The following SNRNP40 variants were observed in gnomAD, a reference collection of about 807,000 sequenced individuals.
SNRNP40 encodes small nuclear ribonucleoprotein U5 subunit 40, also known as U5 small nuclear ribonucleoprotein 40 kDa protein.
Under a neutral mutation model 45.8 loss-of-function variants are expected in SNRNP40, and 21 were observed. That is an observed-to-expected ratio of 0.46 (90% CI 0.32 to 0.66). The LOEUF (loss-of-function observed/expected upper bound fraction) is 0.66, where lower values mean the gene tolerates loss of function less well. SNRNP40 is among the 30% of genes least tolerant of loss of function. The pLI, the probability that SNRNP40 is intolerant of heterozygous loss-of-function variation, is 0.03. For missense variants in SNRNP40, 344 were observed against 439.1 expected, an observed-to-expected ratio of 0.78 and a Z score of 1.94; for synonymous variants, 142 against 163.8, an observed-to-expected ratio of 0.87 and a Z score of 1.01.
At chr1:31,270,779 G>C (rs1645932616) in intron 6 of SNRNP40, among the ~76,000 whole-genome samples, 1 of 152,118 alleles carries the variant, frequency 6.6e-6, no homozygotes. Flanking sequence ...TTGTATACCA[G>C]GGCCATTTCC....
chr1:31,295,325 G>A (rs2148393438), intron 1 of SNRNP40, among the ~76,000 whole-genome samples: 1 of 147,552 alleles, frequency 6.8e-6, no homozygotes, highest in South Asian at 2.1e-4. Context: ...GGTCAACACA[G>A]AGAGATTGTC....
intron 8 of SNRNP40, chr1:31,263,284 C>G (rs1645873568): frequency 1.3e-5 from 2 of 152,006 alleles, no homozygotes; most frequent in Non-Finnish European, 2.9e-5. Flanking sequence ...CATCACAGGC[C>G]ATAATTTTCA....
At position 31,259,978 on chromosome 1, in the gene SNRNP40, G is replaced by A; in HGVS notation, c.*94C>T. On this transcript the variant is annotated 3_prime_UTR_variant, in exon 10 of 10. Coordinates refer to ENST00000263694, the MANE Select transcript of SNRNP40 (RefSeq NM_004814.3). ...TCTTGCTAGCAATGGTCATCTGAAG[G>A]GAGGGTGCTAGCCTGGACATCCAAC... 1.1e-6 allele frequency: 1 copy of A among 905,282 alleles called. No homozygotes were observed. The highest frequency in any genetic ancestry group is 1.9e-6 in the Non-Finnish European group (1 of 537,066). 56.1% of individuals were successfully genotyped at this position (905,282 alleles called of 1,614,324 possible). A position where few individuals can be genotyped will look rare whatever the true frequency, so the allele number is the denominator to read the frequency against.
At chr1:31,274,784 C>G (rs1382448282) in intron 5 of SNRNP40, among the ~76,000 whole-genome samples, 2 of 152,138 alleles carry the variant, frequency 1.3e-5, no homozygotes, top group Non-Finnish European at 2.9e-5. Flanking sequence ...CTCTGACTCC[C>G]CAATCCTATT....
intron 8 of SNRNP40, among the ~76,000 whole-genome samples, chr1:31,262,515 C>CT (rs1441288955): frequency 1.2e-5 from 1 of 80,062 alleles, no homozygotes; most frequent in Non-Finnish European, 2.3e-5. Context: ...AGTGAGACTC[C>CT]ATCTCCAAAA....
At chr1:31,288,880 C>T (rs1261716776) in intron 4 of SNRNP40, among the ~76,000 whole-genome samples, 2 of 152,066 alleles carry the variant, frequency 1.3e-5, no homozygotes, top group South Asian at 2.1e-4. Flanking sequence ...TACAGGTGCC[C>T]GCCATCACGC....
intron 4 of SNRNP40, chr1:31,282,470 T>C (rs142081666): frequency 2.1e-5 from 1 of 46,678 alleles, no homozygotes; most frequent in Non-Finnish European, 4.2e-5. Flanking sequence ...TTCCTGGCTA[T>C]CTATCTATCT....
intron 3 of SNRNP40, among the ~76,000 whole-genome samples, chr1:31,290,327 GC>G (rs1273550345): frequency 6.6e-6 from 1 of 152,042 alleles, no homozygotes; most frequent in African/African-American, 2.4e-5. Flanking sequence ...ATGCCACCAG[GC>G]CCAGCTTTCT....
At chr1:31,269,594 ACTAAATACCAG>A in intron 6 of SNRNP40, 1 of 410,468 alleles carries the variant, frequency 2.4e-6, no homozygotes, top group East Asian at 3.7e-5. Flanking sequence ...AATGTGACAA[ACTAAATACCAG>A]GAACTACTGT....
chr1:31,282,687 C>A (rs956961856), intron 4 of SNRNP40, among the ~76,000 whole-genome samples: 6 of 151,666 alleles, frequency 4.0e-5, no homozygotes, highest in African/African-American at 1.5e-4. Flanking sequence ...ATCTATCTAT[C>A]TATCTAGGGA....
chr1:31,274,498 C>T (rs1176410822), intron 5 of SNRNP40, among the ~76,000 whole-genome samples: 5 of 152,070 alleles, frequency 3.3e-5, no homozygotes, highest in Admixed American at 1.3e-4. Context: ...ACCTCAGCCT[C>T]CCGAAGTGCT....
rs188673437 is a variant in SNRNP40 at position 31,270,721 on chromosome 1, T to C, written c.775+658A>G. Among the ~76,000 whole-genome samples, 182 of 152,330 alleles carry C rather than the reference T, an allele frequency of 1.2e-3. 1 individual carries two copies. Among genetic ancestry groups the C allele is most frequent in the Admixed American group, 9.8e-3 (150 of 15,302 alleles). On this transcript the variant is annotated intron_variant, in intron 6 of 9. Transcript: ENST00000263694. ...CAATGAATGTCAGGTATTGTTTTTGTTACAAAATGTCAGGGAATACATTTT... is the reference window on the plus strand; with the variant it reads ...CAATGAATGTCAGGTATTGTTTTTGCTACAAAATGTCAGGGAATACATTTT...
At chr1:31,294,470 A>ATTT (rs1646127918) in intron 1 of SNRNP40, among the ~76,000 whole-genome samples, 1 of 149,910 alleles carries the variant, frequency 6.7e-6, no homozygotes, top group Admixed American at 6.6e-5. Context: ...TTATTTATTT[A>ATTT]TTTTTTGGGG....
intron 5 of SNRNP40, among the ~76,000 whole-genome samples, chr1:31,276,894 C>T (rs111468458): frequency 0.083 from 12,671 of 151,930 alleles, 1,759 homozygotes; most frequent in African/African-American, 0.29. Context: ...ATTAGTGGGA[C>T]GTGGTGGCGG....
chr1:31,267,325 A>T (rs1210613586), intron 8 of SNRNP40, among the ~76,000 whole-genome samples: 1 of 152,210 alleles, frequency 6.6e-6, no homozygotes, highest in Non-Finnish European at 1.5e-5. Flanking sequence ...TGGCAAAGGG[A>T]ACCCAACAGA....
intron 5 of SNRNP40, among the ~76,000 whole-genome samples, chr1:31,273,514 C>G (rs530369732): frequency 1.0e-3 from 156 of 152,210 alleles, no homozygotes; most frequent in African/African-American, 3.6e-3. Context: ...GTGGTGCACA[C>G]CTGTAATCCC....
At chr1:31,289,971 C>G (rs1046405434) in intron 3 of SNRNP40, among the ~76,000 whole-genome samples, 11 of 152,088 alleles carry the variant, frequency 7.2e-5, no homozygotes, top group African/African-American at 2.7e-4. Context: ...GTGATCCTCC[C>G]ACCTCAGCCT....
intron 5 of SNRNP40, among the ~76,000 whole-genome samples, chr1:31,279,228 G>A (rs1645998798): frequency 6.6e-6 from 1 of 152,176 alleles, no homozygotes; most frequent in Non-Finnish European, 1.5e-5. Context: ...CTGGGTTTAA[G>A]CTGTTGTGCC....
At chr1:31,281,634 T>C in intron 4 of SNRNP40, 138 bp from the exon 5 acceptor site, 1 of 658,532 alleles carries the variant, frequency 1.5e-6, no homozygotes, top group East Asian at 2.9e-5. Context: ...AACTCCTGGA[T>C]ATCCTAATAA....
Sources: allele counts gnomAD v4.1 joint callset (sites outside exome capture counted in the v4.1 genomes callset), GRCh38; gene constraint gnomAD v4.1.1; transcripts MANE v1.5; gene names NCBI Gene and HGNC (gene_info 2026-07-23, HGNC 2026-07-21).